Variants in LRP1B observed in about 807,000 individuals in gnomAD.
LRP1B encodes LDL receptor related protein 1B.
A neutral mutation model predicts 556.6 loss-of-function variants in LRP1B; 217 were observed. That is an observed-to-expected ratio of 0.39 (90% confidence interval 0.35 to 0.44). The LOEUF (loss-of-function observed/expected upper bound fraction) is 0.44. Ranked by LOEUF, LRP1B falls within the 20% of genes least tolerant of loss-of-function variation. The pLI is 1.00. For synonymous variants in LRP1B, 2,047 were observed against 1,865.8 expected (o/e 1.10, Z -2.50); for missense variants, 5,053 against 5,620.8 (o/e 0.90, Z 3.23).
At chr2:140,673,968 C>T (rs1030667192) in intron 41 of LRP1B, among the ~76,000 whole-genome samples, 2 of 143,798 alleles carry the variant, frequency 1.4e-5, no homozygotes, top group Admixed American at 7.1e-5. Flanking sequence ...TCTTTTTTTG[C>T]GACAGAGTCT....
At chr2:140,884,498 A>G (rs1359425485) in intron 24 of LRP1B, among the ~76,000 whole-genome samples, 1 of 152,158 alleles carries the variant, frequency 6.6e-6, no homozygotes, top group Non-Finnish European at 1.5e-5. Flanking sequence ...TTCTCTTTTT[A>G]GAAGGATAAC....
intron 11 of LRP1B, among the ~76,000 whole-genome samples, chr2:141,032,490 A>G (rs1164501002): frequency 6.6e-6 from 1 of 152,086 alleles, no homozygotes; most frequent in Non-Finnish European, 1.5e-5. Context: ...ATGTTCTAAT[A>G]TTACATATTA....
At chr2:140,705,078 C>T (rs1019181910) in intron 37 of LRP1B, among the ~76,000 whole-genome samples, 1 of 152,144 alleles carries the variant, frequency 6.6e-6, no homozygotes, top group Non-Finnish European at 1.5e-5. Context: ...AAGAACCACA[C>T]TCAGGCTTTA....
rs575797711 is a variant in LRP1B at position 141,839,132 on chromosome 2, T to A, written c.83-28731A>T. Among the ~76,000 whole-genome samples the A allele has an allele frequency of 3.3e-5, 5 of 152,302 alleles. No individual in the cohort carries two copies. In the East Asian group the frequency reaches 9.6e-4, roughly 29 times the overall value. ...TGCTTCATGTTCTTCTTACTGGATT[T>A]AAAAGGTGTTCTGGCAGAACAAGGT... On this transcript the variant is annotated intron_variant, in intron 1 of 90. Transcript: ENST00000389484.
intron 2 of LRP1B, among the ~76,000 whole-genome samples, chr2:141,553,873 T>A (rs1295256987): frequency 8.9e-6 from 1 of 112,004 alleles, no homozygotes; most frequent in Non-Finnish European, 2.1e-5. Context: ...ATATCTATAA[T>A]AATATAGTTA....
chr2:140,363,655 G>A (rs1053410369), intron 72 of LRP1B, among the ~76,000 whole-genome samples: 18 of 151,290 alleles, frequency 1.2e-4, no homozygotes, highest in African/African-American at 4.4e-4. Flanking sequence ...ATAATGAGTT[G>A]TATCTATAGA....
intron 43 of LRP1B, among the ~76,000 whole-genome samples, chr2:140,569,693 A>G (rs991303881): frequency 7.9e-5 from 12 of 151,912 alleles, no homozygotes; most frequent in African/African-American, 2.9e-4. Flanking sequence ...AACCAAATGG[A>G]CCTAACAGAC....
At chr2:140,930,257 AATACAATT>A (rs1423022219) in intron 20 of LRP1B, among the ~76,000 whole-genome samples, 1 of 152,092 alleles carries the variant, frequency 6.6e-6, no homozygotes, top group Non-Finnish European at 1.5e-5. Context: ...ATTTTTAACT[AATACAATT>A]TTATTGTATT....
intron 17 of LRP1B, among the ~76,000 whole-genome samples, chr2:140,987,385 G>T (rs1393392329): frequency 1.3e-5 from 2 of 152,034 alleles, no homozygotes; most frequent in Non-Finnish European, 2.9e-5. Context: ...AAAAGTAATT[G>T]TGGTTTGGCC....
At chr2:140,809,477 C>T (rs1290228343) in intron 32 of LRP1B, among the ~76,000 whole-genome samples, 2 of 152,092 alleles carry the variant, frequency 1.3e-5, no homozygotes, top group East Asian at 1.9e-4. Context: ...GATATTGCAG[C>T]CTAGACTCAG....
intron 1 of LRP1B, among the ~76,000 whole-genome samples, chr2:142,115,572 T>TATTA (rs1219018341): frequency 0.053 from 1,908 of 36,234 alleles, 334 homozygotes; most frequent in Non-Finnish European, 0.063. Flanking sequence ...GTAATATATA[T>TATTA]TATATATGTA....
At chr2:140,289,166 T>C (rs1364227204) in intron 84 of LRP1B, among the ~76,000 whole-genome samples, 3 of 151,982 alleles carry the variant, frequency 2.0e-5, no homozygotes, top group Non-Finnish European at 4.4e-5. Context: ...TAAAAGTTTA[T>C]CAATAGTTTA....
Position 141,855,593 on chromosome 2 carries a change from A to C in LRP1B, c.83-45192T>G, listed in dbSNP as rs76197559. Among the ~76,000 whole-genome samples the C allele has an allele frequency of 7.8e-3, 1,188 of 152,254 alleles. 22 individuals are homozygous for C. Among genetic ancestry groups the C allele is most frequent in the African/African-American group, 0.027 (1,128 of 41,578 alleles). ...GATATTTTGTGATGTGAACTGAAGC[A>C]ACATTCCAATAATAAGCCTATGCCA... On this transcript the variant is annotated intron_variant, in intron 1 of 90. Transcript: ENST00000389484.
intron 1 of LRP1B, among the ~76,000 whole-genome samples, chr2:142,010,432 T>A (rs191137567): frequency 6.6e-6 from 1 of 151,230 alleles, no homozygotes; most frequent in Non-Finnish European, 1.5e-5. Context: ...CGGGTGCCTG[T>A]AGTCTCAGCT....
At chr2:141,756,033 A>G (rs1694307271) in intron 2 of LRP1B, among the ~76,000 whole-genome samples, 1 of 152,096 alleles carries the variant, frequency 6.6e-6, no homozygotes, top group Non-Finnish European at 1.5e-5. Context: ...TTAAATTTTT[A>G]TTCATGACTT....
chr2:140,676,728 G>A (rs928340314), intron 41 of LRP1B, among the ~76,000 whole-genome samples: 4 of 151,978 alleles, frequency 2.6e-5, no homozygotes. Flanking sequence ...TTTAACTTAC[G>A]GTTCCAGATA....
chr2:141,949,360 G>T (rs1477305390), intron 1 of LRP1B, among the ~76,000 whole-genome samples: 4 of 152,028 alleles, frequency 2.6e-5, no homozygotes, highest in Admixed American at 6.6e-5. Flanking sequence ...TGTAGGCATG[G>T]ATTTAAAATT....
At chr2:140,892,558 C>T (rs61122677) in intron 23 of LRP1B, among the ~76,000 whole-genome samples, 6 of 152,054 alleles carry the variant, frequency 3.9e-5, no homozygotes, top group Admixed American at 3.3e-4. Context: ...GCGAAGGATG[C>T]GGGAACTTAG....
At position 141,758,798 on chromosome 2, in the gene LRP1B, C is replaced by T. The variant is rs190822332; in HGVS notation, c.205+51481G>A. On this transcript the variant is annotated intron_variant, in intron 2 of 90. Transcript: ENST00000389484. ...TACTTTCCTTTTATTTCTATGTGAT[C>T]ATTAAAAAGTGTCTCATTTAAAATA... Among the ~76,000 whole-genome samples the T allele has an allele frequency of 2.6e-4, 40 of 152,086 alleles. No homozygotes were observed. The East Asian group carries it at 4.6e-3, about 18-fold the overall frequency.
Sources: gnomAD v4.1 joint callset for allele counts (sites outside exome capture counted in the v4.1 genomes callset) on GRCh38, gnomAD v4.1.1 for gene constraint, MANE v1.5 for transcripts, NCBI Gene and HGNC (gene_info 2026-07-23, HGNC 2026-07-21) for gene names.